Variants in GPC5 observed in about 807,000 individuals in gnomAD.
The protein encoded by GPC5 is glypican-5.
In GPC5, 47 loss-of-function variants were observed where a neutral mutation model predicts 53.9. The ratio of observed to expected loss-of-function variants is 0.87; its 90% confidence interval spans 0.69 to 1.11. The LOEUF is 1.11. Ranked by LOEUF, GPC5 falls within the 50% of genes most tolerant of loss-of-function variation. GPC5 has a pLI of 0.00. For missense variants in GPC5, 748 were observed against 713.1 expected, an observed-to-expected ratio of 1.05 and a Z score of -0.56; for synonymous variants, 286 against 263.3, an observed-to-expected ratio of 1.09 and a Z score of -0.84.
intron 6 of GPC5, among the ~76,000 whole-genome samples, chr13:91,976,413 C>T (rs755468697): frequency 3.3e-5 from 5 of 152,164 alleles, no homozygotes; most frequent in Non-Finnish European, 5.9e-5. Flanking sequence ...TGAGTATTGC[C>T]AGGGAAGAAG....
At chr13:92,146,788 A>G (rs1289617416) in intron 7 of GPC5, among the ~76,000 whole-genome samples, 3 of 152,062 alleles carry the variant, frequency 2.0e-5, no homozygotes, top group Non-Finnish European at 4.4e-5. Flanking sequence ...GAGTTACTTC[A>G]CTTGGAATAA....
rs143836182 is a variant in GPC5, at chr13:92,300,254, C to CA, written c.1561+155267dup. 5.4e-3 allele frequency among the ~76,000 whole-genome samples: 826 copies of CA among 152,154 alleles called. 7 individuals are homozygous for CA. Among genetic ancestry groups the CA allele is most frequent in the African/African-American group, 0.018 (731 of 41,496 alleles). ...ACCTACATTGCAAAACACACTGCACCAATTTCTCTGATTTTCTTTCCAAAA... is the reference window on the plus strand; with the variant it reads ...ACCTACATTGCAAAACACACTGCACCAAATTTCTCTGATTTTCTTTCCAAAA... On this transcript the variant is annotated intron_variant, in intron 7 of 7. Transcript: ENST00000377067.
intron 7 of GPC5, among the ~76,000 whole-genome samples, chr13:92,637,817 C>T (rs1320574525): frequency 6.6e-6 from 1 of 151,832 alleles, no homozygotes; most frequent in Non-Finnish European, 1.5e-5. Context: ...TGACACGTTG[C>T]TAAAATTAGT....
At chr13:92,714,593 G>A (rs115512292) in intron 7 of GPC5, among the ~76,000 whole-genome samples, 2,424 of 152,126 alleles carry the variant, frequency 0.016, 71 homozygotes, top group African/African-American at 0.056. Flanking sequence ...AGATATCATC[G>A]TTCTCTCTTT....
intron 5 of GPC5, among the ~76,000 whole-genome samples, chr13:91,840,861 G>A (rs1000413163): frequency 5.3e-5 from 8 of 151,532 alleles, no homozygotes; most frequent in African/African-American, 1.9e-4. Flanking sequence ...ATATTGATTA[G>A]AAAAATGCTA....
At chr13:92,763,239 A>T (rs1352713151) in intron 7 of GPC5, among the ~76,000 whole-genome samples, 3 of 152,040 alleles carry the variant, frequency 2.0e-5, no homozygotes, top group Non-Finnish European at 4.4e-5. Context: ...ATCTCTTCCA[A>T]ACTTTATAGA....
intron 1 of GPC5, among the ~76,000 whole-genome samples, chr13:91,438,322 C>T (rs1276026305): frequency 2.6e-5 from 4 of 152,070 alleles, no homozygotes; most frequent in South Asian, 4.1e-4. Flanking sequence ...ATGATTGTGA[C>T]GTACAAATGG....
chr13:92,744,691 G>A (rs988884824), intron 7 of GPC5, among the ~76,000 whole-genome samples: 8 of 152,150 alleles, frequency 5.3e-5, no homozygotes, highest in South Asian at 4.1e-4. Flanking sequence ...ATGAAATAAC[G>A]CTAATTGAAA....
chr13:91,955,140 A>G (rs2040061440), intron 6 of GPC5, among the ~76,000 whole-genome samples: 1 of 152,190 alleles, frequency 6.6e-6, no homozygotes, highest in South Asian at 2.1e-4. Flanking sequence ...ATATTGTAAT[A>G]TTGTTTATTC....
At chr13:92,457,011 C>T (rs1213390073) in intron 7 of GPC5, among the ~76,000 whole-genome samples, 2 of 151,856 alleles carry the variant, frequency 1.3e-5, no homozygotes, top group East Asian at 3.9e-4. Context: ...TTCTCTGCCC[C>T]ATCTAGTTGT....
chr13:91,420,963 A>G (rs1319969532), intron 1 of GPC5, among the ~76,000 whole-genome samples: 1 of 152,174 alleles, frequency 6.6e-6, no homozygotes, highest in Non-Finnish European at 1.5e-5. Flanking sequence ...ATGGACTAAC[A>G]CACTCCCCCT....
At chr13:92,230,528 C>T (rs1286438246) in intron 7 of GPC5, among the ~76,000 whole-genome samples, 1 of 152,072 alleles carries the variant, frequency 6.6e-6, no homozygotes, top group Non-Finnish European at 1.5e-5. Context: ...AATTTTAATA[C>T]TGAGATTTCT....
chr13:92,088,771 C>T (rs770684874), intron 6 of GPC5, among the ~76,000 whole-genome samples: 10 of 152,086 alleles, frequency 6.6e-5, no homozygotes, highest in African/African-American at 9.7e-5. Flanking sequence ...CTTTTTTCTC[C>T]GTTTTATCTT....
rs1376550758 is a variant in GPC5, at chr13:92,253,451, AC to A, written c.1561+108465del. ...GGAGTTAAAAAAAAATAGATATGAG[AC>A]CCACTACAGAGATAGAATGAAAATA... is the stretch of plus-strand genomic sequence containing the variant. On this transcript the variant is annotated intron_variant, in intron 7 of 7. Coordinates refer to ENST00000377067, the MANE Select transcript of GPC5 (RefSeq NM_004466.6). 1.7e-4 allele frequency among the ~76,000 whole-genome samples: 26 copies of A among 152,032 alleles called. No individual in the cohort carries two copies. In the East Asian group the frequency reaches 5.0e-3, roughly 29 times the overall value.
At chr13:92,449,456 C>A (rs1469147097) in intron 7 of GPC5, among the ~76,000 whole-genome samples, 1 of 152,068 alleles carries the variant, frequency 6.6e-6, no homozygotes, top group Non-Finnish European at 1.5e-5. Context: ...ATTATCTATA[C>A]TTTATGTTTA....
intron 7 of GPC5, among the ~76,000 whole-genome samples, chr13:92,192,516 T>C (rs1303321847): frequency 6.6e-6 from 1 of 152,234 alleles, no homozygotes; most frequent in Non-Finnish European, 1.5e-5. Context: ...ATTCCTTTTT[T>C]CACATTTCTT....
intron 7 of GPC5, among the ~76,000 whole-genome samples, chr13:92,560,389 A>G (rs1005570147): frequency 8.6e-5 from 13 of 152,018 alleles, no homozygotes; most frequent in African/African-American, 3.1e-4. Context: ...GGAACTCAAT[A>G]TGGCCTCTAC....
chr13:92,704,807 A>C (rs1247094941), intron 7 of GPC5, among the ~76,000 whole-genome samples: 1 of 149,590 alleles, frequency 6.7e-6, no homozygotes, highest in Non-Finnish European at 1.5e-5. Flanking sequence ...ATACACACAC[A>C]CATATATATA....
At chr13:91,434,630 T>A (rs1164334364) in intron 1 of GPC5, among the ~76,000 whole-genome samples, 1 of 152,204 alleles carries the variant, frequency 6.6e-6, no homozygotes, top group African/African-American at 2.4e-5. Context: ...TGAAGTCAGG[T>A]AGCATGATGC....
Sources: allele counts gnomAD v4.1 joint callset (sites outside exome capture counted in the v4.1 genomes callset), GRCh38; gene constraint gnomAD v4.1.1; transcripts MANE v1.5; gene names NCBI Gene and HGNC (gene_info 2026-07-23, HGNC 2026-07-21).